ADGRL1: variants seen among roughly 807,000 people sequenced by gnomAD.
ADGRL1 encodes CIRL-1.
A neutral mutation model predicts 148.9 loss-of-function variants in ADGRL1; 31 were observed. The ratio of observed to expected loss-of-function variants is 0.21; its 90% CI spans 0.16 to 0.28. The LOEUF (loss-of-function observed/expected upper bound fraction) is 0.28. ADGRL1 is among the 10% of genes least tolerant of loss of function. ADGRL1 has a pLI of 1.00. For synonymous variants in ADGRL1, 937 were observed against 900.3 expected (o/e 1.04, Z -0.73); for missense variants, 1,521 against 2,058.8 (o/e 0.74, Z 5.05).
rs1391412279 is a variant in ADGRL1 at position 14,177,707 on chromosome 19, G to C, written c.108C>G (p.Arg36=). The C allele has an allele frequency of 6.2e-7, 1 of 1,613,770 alleles. No individual in the cohort carries two copies. Residue 36 remains arginine (R), a synonymous_variant, in exon 3 of 23, where the codon CGC becomes CGG. Coordinates refer to ENST00000361434, the MANE Select transcript of ADGRL1 (RefSeq NM_014921.5). ...GGTAGCCTTCACACGCCAGCTCCCG[G>C]CGCATCAGCCCGAACGGGAGCCCGG... The part of the protein sequence containing the change: ...SRAGLPFGLM[R]RELACEGYPI...
chr19:14,175,708 TCA>T (rs1411670196), intron 3 of ADGRL1, among the ~76,000 whole-genome samples: 1 of 151,772 alleles, frequency 6.6e-6, no homozygotes, highest in African/African-American at 2.4e-5. Context: ...TTAGTCACAA[TCA>T]CACACATTTA....
intron 3 of ADGRL1, among the ~76,000 whole-genome samples, chr19:14,175,930 T>A (rs1308003096): frequency 4.6e-5 from 7 of 152,198 alleles, no homozygotes; most frequent in African/African-American, 1.4e-4. Context: ...GGTGCGTACC[T>A]GTAATCCCAG....
At position 14,159,639 on chromosome 19, in the gene ADGRL1, G is replaced by C; in HGVS notation, c.1840-55C>G. 6.3e-7 allele frequency: 1 copy of C among 1,592,858 alleles called. No homozygotes were observed. Among genetic ancestry groups the C allele is most frequent in the Non-Finnish European group, 8.6e-7 (1 of 1,163,446 alleles). On this transcript the variant is annotated intron_variant, in intron 9 of 22. Transcript: ENST00000361434. The surrounding 1 kb of genome is among the most constrained non-coding windows in gnomAD (Gnocchi z 6.0). ...GCCCCCCAACACCCTCTAATTCCTG[G>C]GGGTGGGCTCTGCATGCCCTCTTCT... is the stretch of plus-strand genomic sequence containing the variant.
chr19:14,160,046 T>C lies in ADGRL1; in HGVS notation c.1800+66A>G, dbSNP rs1054943855. On this transcript the variant is annotated intron_variant, in intron 8 of 22. Coordinates refer to ENST00000361434, the MANE Select transcript of ADGRL1 (RefSeq NM_014921.5). This position sits in a 1 kb window ranked among gnomAD's most constrained non-coding sequence, Gnocchi z 5.9. The stretch of plus-strand genomic sequence containing the variant: ...CCTGGCTGGGAGGTACCAGGTCAGG[T>C]ACTTCCCAAGCCCCTGGGGGCAGGC... 1.3e-6 allele frequency: 2 copies of C among 1,484,844 alleles called. No homozygotes were observed. The highest frequency in any genetic ancestry group is 1.8e-6 in the Non-Finnish European group (2 of 1,106,780). 92.0% of individuals were successfully genotyped at this position (1,484,844 alleles called of 1,614,324 possible).
chr19:14,160,072 GC>G lies in ADGRL1; in HGVS notation c.1800+39del. 1 of 1,533,692 alleles carries G rather than the reference GC, an allele frequency of 6.5e-7. No homozygotes were observed. Among genetic ancestry groups the G allele is most frequent in the South Asian group, 1.2e-5 (1 of 82,038 alleles). On this transcript the variant is annotated intron_variant, in intron 8 of 22. Transcript: ENST00000361434. This position sits in a 1 kb window ranked among gnomAD's most constrained non-coding sequence, Gnocchi z 5.9. Reference sequence around the variant, plus strand: ...ACTTCCCAAGCCCCTGGGGGCAGGCGCCCTCCCCATACCAGGTCAGCGCCAC... The same window carrying G: ...ACTTCCCAAGCCCCTGGGGGCAGGCGCCTCCCCATACCAGGTCAGCGCCAC...
chr19:14,183,590 C>G lies in ADGRL1; in HGVS notation c.13G>C (p.Ala5Pro). 1 of 1,579,610 alleles carries G rather than the reference C, an allele frequency of 6.3e-7. No individual in the cohort carries two copies. Among genetic ancestry groups the G allele is most frequent in the Non-Finnish European group, 8.6e-7 (1 of 1,162,542 alleles). The change falls in exon 2 of 23, where the codon GCC (alanine) becomes CCC (proline). Residue 5 changes from alanine to proline, a missense_variant. Around this residue, in one of 8 missense-constraint regions of ADGRL1, gnomAD observed 334 missense variants for 512.5 expected, o/e 0.65. Transcript: ENST00000361434. Reference sequence around the variant, plus strand: ...ACACACAGATTCCAGAGCACTGCGGCTAGGCGGGCCATGGTGGCAGCCGGG... The same window carrying G: ...ACACACAGATTCCAGAGCACTGCGGGTAGGCGGGCCATGGTGGCAGCCGGG... MARL[A>P]AVLWNLCVTA...
Position 14,160,432 on chromosome 19 carries a change from C to T in ADGRL1, c.1615-135G>A, listed in dbSNP as rs764837466. On this transcript the variant is annotated intron_variant, in intron 7 of 22. Coordinates refer to ENST00000361434, the MANE Select transcript of ADGRL1 (RefSeq NM_014921.5). The surrounding 1 kb of genome is among the most constrained non-coding windows in gnomAD (Gnocchi z 5.9). ...CCATCGCCATCTGCCCCTTCCCACC[C>T]CATCTGTCCCTGCTCCCTTTGTAGG... The T allele has an allele frequency of 4.6e-5, 44 of 948,646 alleles. No individual in the cohort carries two copies. The highest frequency in any genetic ancestry group is 6.4e-5 in the Non-Finnish European group (41 of 644,664). The allele number at this position is 948,646 out of a possible 1,614,324, so 58.8% of individuals were successfully genotyped here. A position where few individuals can be genotyped will look rare whatever the true frequency, so the allele number is the denominator to read the frequency against.
intron 2 of ADGRL1, among the ~76,000 whole-genome samples, chr19:14,183,218 C>CAGAGA (rs1971336222): frequency 2.4e-5 from 3 of 124,868 alleles, no homozygotes; most frequent in Non-Finnish European, 5.6e-5. Context: ...AGAGAGAGAG[C>CAGAGA]GAGAGAGAGA....
chr19:14,205,580 G>A (rs1309555456), intron 1 of ADGRL1, among the ~76,000 whole-genome samples: 1 of 151,756 alleles, frequency 6.6e-6, no homozygotes, highest in Non-Finnish European at 1.5e-5. Context: ...CACAAACAGG[G>A]CGCCAAGCAC....
At chr19:14,198,925 G>T (rs919712452) in intron 1 of ADGRL1, among the ~76,000 whole-genome samples, 4 of 152,186 alleles carry the variant, frequency 2.6e-5, no homozygotes, top group Non-Finnish European at 4.4e-5. Flanking sequence ...AGTGTTCACT[G>T]TCCAGCCCCA....
chr19:14,154,897 G>A (rs1177458297), intron 18 of ADGRL1, among the ~76,000 whole-genome samples: 1 of 152,128 alleles, frequency 6.6e-6, no homozygotes, highest in Admixed American at 6.5e-5. Context: ...GATTACAGGC[G>A]TGAGCCACCG....
chr19:14,160,833 C>T lies in ADGRL1; in HGVS notation c.1511-137G>A. ...GGGAGGTGAGGGAAACACGGAGAAA[C>T]AGACATGAAGCGGGCTGGACAGTCG... On this transcript the variant is annotated intron_variant, in intron 6 of 22. Coordinates refer to ENST00000361434, the MANE Select transcript of ADGRL1 (RefSeq NM_014921.5). This position sits in a 1 kb window ranked among gnomAD's most constrained non-coding sequence, Gnocchi z 5.9. The T allele has an allele frequency of 1.4e-6, 1 of 689,788 alleles. No homozygotes were observed. The highest frequency in any genetic ancestry group is 2.6e-6 in the Non-Finnish European group (1 of 378,784). 42.7% of individuals were successfully genotyped at this position (689,788 alleles called of 1,614,324 possible). A position where few individuals can be genotyped will look rare whatever the true frequency, so the allele number is the denominator to read the frequency against.
intron 3 of ADGRL1, among the ~76,000 whole-genome samples, chr19:14,173,275 A>AT (rs561158909): frequency 1.7e-3 from 253 of 152,004 alleles, no homozygotes; most frequent in Admixed American, 4.5e-3. Context: ...TTATTTTATT[A>AT]TTTTTTAGAC....
chr19:14,158,221 A>G, intron 12 of ADGRL1, 117 bp downstream of exon 12: 6 of 1,275,952 alleles, frequency 4.7e-6, no homozygotes, highest in African/African-American at 1.5e-5. Context: ...CCCAAGCTCT[A>G]AAGTGGAAGA....
Position 14,152,764 on chromosome 19 carries a change from AG to A in ADGRL1, c.3423+19del, listed in dbSNP as rs1968342547. On this transcript the variant is annotated intron_variant, in intron 19 of 22. Coordinates refer to ENST00000361434, the MANE Select transcript of ADGRL1 (RefSeq NM_014921.5). The surrounding 1 kb of genome is among the most constrained non-coding windows in gnomAD (Gnocchi z 6.1). Reference sequence around the variant, plus strand: ...CAGGTTCCAACACTCAGCCCCAGGGAGTCCTGTCTGGCCCGATACCTGGGTC... The same window carrying A: ...CAGGTTCCAACACTCAGCCCCAGGGATCCTGTCTGGCCCGATACCTGGGTC... 3 of 1,613,382 alleles carry A rather than the reference AG, an allele frequency of 1.9e-6. No individual in the cohort carries two copies. The highest frequency in any genetic ancestry group is 2.5e-6 in the Non-Finnish European group (3 of 1,179,552).
intron 16 of ADGRL1, 92 bp downstream of exon 16, chr19:14,156,566 T>TGGGG (rs869304876): frequency 3.9e-6 from 2 of 507,702 alleles, no homozygotes; most frequent in African/African-American, 9.1e-5. Flanking sequence ...TGTGTGTGTG[T>TGGGG]GGGGGGGGTG....
chr19:14,159,554 G>C lies in ADGRL1; in HGVS notation c.1870C>G (p.Arg624Gly). ...AVVETVDNLL[R>G]PEALESWKDM... ...TTCCAGGACTCCAGAGCTTCTGGCC[G>C]GAGCAGATTGTCCACTGTCTCCACC... Residue 624 changes from arginine (R) to glycine (G), a missense_variant, in exon 10 of 23, where the codon CGG (arginine) becomes GGG (glycine). By Grantham distance (125) the Arg-to-Gly change is moderately radical. Around this residue, in one of 8 missense-constraint regions of ADGRL1, gnomAD observed 265 missense variants for 431.9 expected, o/e 0.61. Coordinates refer to ENST00000361434, the MANE Select transcript of ADGRL1 (RefSeq NM_014921.5). This position sits in a 1 kb window ranked among gnomAD's most constrained non-coding sequence, Gnocchi z 6.0. 1.2e-6 allele frequency: 2 copies of C among 1,603,278 alleles called. No homozygotes were observed. Among genetic ancestry groups the C allele is most frequent in the Non-Finnish European group, 1.7e-6 (2 of 1,172,212 alleles).
chr19:14,151,680 G>C (rs1354844166), intron 22 of ADGRL1, 65 bp from the exon 23 acceptor site: 12 of 1,457,726 alleles, frequency 8.2e-6, no homozygotes, highest in Non-Finnish European at 1.0e-5. Flanking sequence ...GGACAGTGAG[G>C]GGGTGCGGTC....
rs1309815818 is a variant in ADGRL1 at position 14,204,738 on chromosome 19, GAGAC to G, written c.-96+1243_-96+1246del. On this transcript the variant is annotated intron_variant, in intron 1 of 22. Coordinates refer to ENST00000361434, the MANE Select transcript of ADGRL1 (RefSeq NM_014921.5). ...TGAGAGAGAGAGAGAGAGAGAGAGA[GAGAC>G]AGACAGAGAGAGAGAGAGCGCGCGA... 3.5e-3 allele frequency among the ~76,000 whole-genome samples: 508 copies of G among 143,708 alleles called. 5 individuals carry two copies. The highest frequency in any genetic ancestry group is 0.013 in the African/African-American group (473 of 37,310). 94.3% of individuals were successfully genotyped at this position (143,708 alleles called of 152,430 possible). A position where few individuals can be genotyped will look rare whatever the true frequency, so the allele number is the denominator to read the frequency against.
Sources: allele counts gnomAD v4.1 joint callset (sites outside exome capture counted in the v4.1 genomes callset), GRCh38; gene constraint gnomAD v4.1.1; regional missense constraint gnomAD v4.1.1; non-coding constraint Gnocchi (gnomAD v3.1); transcripts MANE v1.5; gene names NCBI Gene and HGNC (gene_info 2026-07-23, HGNC 2026-07-21).